Variants in ZC3H3 observed in about 807,000 individuals in gnomAD.
ZC3H3 encodes zinc finger CCCH domain-containing protein 3.
ZC3H3 carries 36 observed loss-of-function variants against 77.3 expected under a neutral mutation model. The observed-to-expected ratio is 0.47, with a 90% CI of 0.36 to 0.61. The LOEUF is 0.61. Among genes scored for constraint, ZC3H3 ranks in the 20% least tolerant of loss-of-function variants. The probability of loss-of-function intolerance (pLI) is 0.00; values close to 1 mark genes in which losing one functional copy is unlikely to be tolerated. For missense variants in ZC3H3, 1,331 were observed against 1,312.2 expected, an observed-to-expected ratio of 1.01 and a Z score of -0.22; for synonymous variants, 626 against 555.2, an observed-to-expected ratio of 1.13 and a Z score of -1.79.
intron 3 of ZC3H3, among the ~76,000 whole-genome samples, chr8:143,517,092 A>T (rs936029233): frequency 6.6e-6 from 1 of 152,198 alleles, no homozygotes; most frequent in African/African-American, 2.4e-5. Flanking sequence ...TAAAGGGAAG[A>T]TTGAGACCCT....
At chr8:143,455,611 T>G (rs1459486511) in intron 9 of ZC3H3, among the ~76,000 whole-genome samples, 4 of 152,190 alleles carry the variant, frequency 2.6e-5, no homozygotes, top group Non-Finnish European at 5.9e-5. Flanking sequence ...GAAATTAATG[T>G]TAATTTTGCT....
Position 143,454,248 on chromosome 8 carries a change from A to AT in ZC3H3, c.2307+11468dup, listed in dbSNP as rs1162609287. Among the ~76,000 whole-genome samples, 823 of 139,248 alleles carry AT rather than the reference A, an allele frequency of 5.9e-3. 5 individuals carry two copies. The highest frequency in any genetic ancestry group is 0.017 in the African/African-American group (642 of 37,804). 91.4% of individuals were successfully genotyped at this position (139,248 alleles called of 152,430 possible). ...AGGTGCCTACCACCACACTCAGGTA[A>AT]TTTTTTTTTTTTTTGTAACTTTAGT... On this transcript the variant is annotated intron_variant, in intron 9 of 11. Coordinates refer to ENST00000262577, the MANE Select transcript of ZC3H3 (RefSeq NM_015117.3).
chr8:143,465,863 G>A lies in ZC3H3; in HGVS notation c.2176-15C>T, dbSNP rs375095692. On this transcript the variant is annotated splice_polypyrimidine_tract_variant and intron_variant, in intron 8 of 11. Transcript: ENST00000262577. ...CACACCGGCATCTGCAGGGAGGGCC[G>A]GCAGTGAGGGCCAGCAGGCAGCCAC... is the stretch of plus-strand genomic sequence containing the variant. 1.7e-5 allele frequency: 27 copies of A among 1,605,408 alleles called. No individual in the cohort carries two copies. Among genetic ancestry groups the A allele is most frequent in the African/African-American group, 2.7e-5 (2 of 74,868 alleles).
chr8:143,490,477 C>A (rs943974279), intron 4 of ZC3H3, among the ~76,000 whole-genome samples: 2 of 152,246 alleles, frequency 1.3e-5, no homozygotes, highest in Non-Finnish European at 2.9e-5. Flanking sequence ...CCTGCTGTCA[C>A]CCTCCTCCCC....
At position 143,494,996 on chromosome 8, in the gene ZC3H3, AG is replaced by A. The variant is rs947261173; in HGVS notation, c.1715+12749del. On this transcript the variant is annotated intron_variant, in intron 4 of 11. Coordinates refer to ENST00000262577, the MANE Select transcript of ZC3H3 (RefSeq NM_015117.3). The surrounding 1 kb of genome is among the most constrained non-coding windows in gnomAD (Gnocchi z 5.3). ...TAGAAAGGCGGTAACACCACGTCTG[AG>A]GGGAACAGAAAGGGTCGCGGCACGC... 5.1e-4 allele frequency among the ~76,000 whole-genome samples: 77 copies of A among 152,322 alleles called. No homozygotes were observed. Among genetic ancestry groups the A allele is most frequent in the Admixed American group, 1.2e-3 (19 of 15,302 alleles).
chr8:143,479,135 G>A (rs186709574), intron 4 of ZC3H3, among the ~76,000 whole-genome samples: 15 of 152,356 alleles, frequency 9.8e-5, no homozygotes, highest in African/African-American at 1.2e-4. Context: ...TGCTGTGGCA[G>A]AACGTCGGGC....
chr8:143,483,391 T>C (rs538396279), intron 4 of ZC3H3, among the ~76,000 whole-genome samples: 151 of 152,256 alleles, frequency 9.9e-4, no homozygotes, highest in African/African-American at 3.5e-3. Context: ...CCAGGCTACA[T>C]GGGGCCCTTG....
chr8:143,438,631 C>T (rs1162072111), intron 11 of ZC3H3, among the ~76,000 whole-genome samples: 2 of 152,144 alleles, frequency 1.3e-5, no homozygotes, highest in East Asian at 1.9e-4. Flanking sequence ...TTCCCCACAG[C>T]GGGGAAGCCC....
At chr8:143,484,847 G>A (rs746247599) in intron 4 of ZC3H3, 2 of 455,072 alleles carry the variant, frequency 4.4e-6, no homozygotes, top group South Asian at 3.1e-5. Context: ...CAGGCCCTGG[G>A]ACAGCCCCTC....
At chr8:143,518,818 G>A (rs1822146792) in intron 3 of ZC3H3, among the ~76,000 whole-genome samples, 1 of 152,262 alleles carries the variant, frequency 6.6e-6, no homozygotes, top group South Asian at 2.1e-4. Context: ...GGCAGCAAAG[G>A]AATCCCTGCC....
chr8:143,502,737 G>GT (rs1282976738), intron 4 of ZC3H3, among the ~76,000 whole-genome samples: 1 of 152,218 alleles, frequency 6.6e-6, no homozygotes, highest in Admixed American at 6.5e-5. Context: ...GCTGGAGCTG[G>GT]TGAGGGCACC....
At chr8:143,512,174 C>T (rs1006428980) in intron 3 of ZC3H3, among the ~76,000 whole-genome samples, 2 of 152,240 alleles carry the variant, frequency 1.3e-5, no homozygotes, top group African/African-American at 4.8e-5. Flanking sequence ...AGTCCAGGTG[C>T]AGCCCCCGGG....
At chr8:143,508,115 G>A (rs1386846988) in intron 3 of ZC3H3, among the ~76,000 whole-genome samples, 1 of 152,260 alleles carries the variant, frequency 6.6e-6, no homozygotes, top group African/African-American at 2.4e-5. Flanking sequence ...CAGCCTCTGA[G>A]AGGCGGGCAC....
At chr8:143,519,459 G>A (rs1822170773) in intron 3 of ZC3H3, among the ~76,000 whole-genome samples, 1 of 152,178 alleles carries the variant, frequency 6.6e-6, no homozygotes, top group Non-Finnish European at 1.5e-5. Context: ...AAAGCGCAAA[G>A]GTTAAAAATG....
intron 8 of ZC3H3, 125 bp downstream of exon 8, chr8:143,468,084 C>T (rs1002362987): frequency 2.7e-5 from 33 of 1,201,068 alleles, no homozygotes; most frequent in Admixed American, 1.3e-4. Flanking sequence ...ACTCTAAGGA[C>T]GCCAGGGCAG....
intron 9 of ZC3H3, among the ~76,000 whole-genome samples, chr8:143,452,560 A>T (rs919317257): frequency 2.0e-5 from 3 of 151,858 alleles, no homozygotes; most frequent in Non-Finnish European, 4.4e-5. Flanking sequence ...ACAGAACAGC[A>T]TCACAAAGAC....
At chr8:143,469,290 T>C (rs1586894563) in intron 5 of ZC3H3, among the ~76,000 whole-genome samples, 1 of 152,130 alleles carries the variant, frequency 6.6e-6, no homozygotes, top group East Asian at 1.9e-4. Context: ...GCACACATGG[T>C]CTGGCCTTTT....
intron 8 of ZC3H3, among the ~76,000 whole-genome samples, chr8:143,466,925 T>C (rs1820424584): frequency 6.6e-6 from 1 of 152,058 alleles, no homozygotes; most frequent in African/African-American, 2.4e-5. Flanking sequence ...AAAGTCACTT[T>C]TCTGGGGCAA....
At chr8:143,448,706 G>C (rs1819919010) in intron 9 of ZC3H3, among the ~76,000 whole-genome samples, 1 of 152,198 alleles carries the variant, frequency 6.6e-6, no homozygotes, top group South Asian at 2.1e-4. Flanking sequence ...TACCACTCCA[G>C]GGTCTGGAGG....
Sources: gnomAD v4.1 joint callset for allele counts (sites outside exome capture counted in the v4.1 genomes callset) on GRCh38, gnomAD v4.1.1 for gene constraint, Gnocchi (gnomAD v3.1) non-coding constraint, MANE v1.5 for transcripts, NCBI Gene and HGNC (gene_info 2026-07-23, HGNC 2026-07-21) for gene names.